Variants in NDUFS6 observed in about 807,000 individuals in gnomAD.
NDUFS6 encodes the protein NADH:ubiquinone oxidoreductase subunit S6, also known as NADH dehydrogenase [ubiquinone] iron-sulfur protein 6, mitochondrial.
Under a neutral mutation model 13.2 loss-of-function variants are expected in NDUFS6, and 14 were observed. That is an observed-to-expected ratio of 1.06 (90% CI 0.70 to 1.66). The LOEUF (loss-of-function observed/expected upper bound fraction) is 1.66, where lower values mean the gene tolerates loss of function less well. NDUFS6 is among the 40% of genes most tolerant of loss of function. The probability of loss-of-function intolerance (pLI) is 0.00; values close to 1 mark genes in which losing one functional copy is unlikely to be tolerated. For missense variants in NDUFS6, 206 were observed against 170.8 expected, an observed-to-expected ratio of 1.21 and a Z score of -1.15; for synonymous variants, 95 against 72.3, an observed-to-expected ratio of 1.31 and a Z score of -1.60.
rs1337333262 is a variant in NDUFS6, at chr5:1,814,693, C to G, written c.309+232C>G. On this transcript the variant is annotated intron_variant, in intron 3 of 3. Coordinates refer to ENST00000274137, the MANE Select transcript of NDUFS6 (RefSeq NM_004553.6). The surrounding 1 kb of genome is among the most constrained non-coding windows in gnomAD (Gnocchi z 4.9). Reference sequence around the variant, plus strand: ...GTGAAGTGGTGGGCGGCATGTTTCTCTTCTCGGACGCCCAAGCGTCTTTCC... The same window carrying G: ...GTGAAGTGGTGGGCGGCATGTTTCTGTTCTCGGACGCCCAAGCGTCTTTCC... The G allele has an allele frequency of 1.4e-6, 1 of 736,324 alleles. No individual in the cohort carries two copies. Among genetic ancestry groups the G allele is most frequent in the East Asian group, 2.7e-5 (1 of 37,412 alleles). The allele number at this position is 736,324 out of a possible 1,614,324, so 45.6% of individuals were successfully genotyped here. A position where few individuals can be genotyped will look rare whatever the true frequency, so the allele number is the denominator to read the frequency against.
At chr5:1,813,838 G>T (rs1734259475) in intron 2 of NDUFS6, among the ~76,000 whole-genome samples, 1 of 152,232 alleles carries the variant, frequency 6.6e-6, no homozygotes, top group African/African-American at 2.4e-5. Flanking sequence ...GACATTGTTG[G>T]TCTAACGGAT....
chr5:1,811,015 T>C (rs555736885), intron 2 of NDUFS6, among the ~76,000 whole-genome samples: 1 of 152,272 alleles, frequency 6.6e-6, no homozygotes, highest in African/African-American at 2.4e-5. Context: ...TACGTGAAGA[T>C]GATGAGGATG....
At chr5:1,801,679 T>A (rs1209932266) in intron 1 of NDUFS6, 130 bp downstream of exon 1, 1 of 1,367,272 alleles carries the variant, frequency 7.3e-7, no homozygotes, top group Non-Finnish European at 9.7e-7. Flanking sequence ...GGTTGTGCTG[T>A]CGCTCACGCG....
At chr5:1,805,489 A>G (rs1734109098) in intron 2 of NDUFS6, among the ~76,000 whole-genome samples, 1 of 152,200 alleles carries the variant, frequency 6.6e-6, no homozygotes. Flanking sequence ...AAAGGAATCC[A>G]TGGCCCCTGG....
At chr5:1,811,173 A>T (rs1233854581) in intron 2 of NDUFS6, among the ~76,000 whole-genome samples, 1 of 152,270 alleles carries the variant, frequency 6.6e-6, no homozygotes, top group Non-Finnish European at 1.5e-5. Context: ...AATATATGTT[A>T]ATCGACCATT....
At chr5:1,807,241 C>T (rs1453145634) in intron 2 of NDUFS6, among the ~76,000 whole-genome samples, 9 of 126,056 alleles carry the variant, frequency 7.1e-5, no homozygotes, top group African/African-American at 1.6e-4. Context: ...CCAGAACAGT[C>T]GCTTCTTAGA....
rs760889293 is a variant in NDUFS6, at chr5:1,815,851, G to T, written c.310G>T (p.Asp104Tyr). 1.2e-6 allele frequency: 2 copies of T among 1,614,182 alleles called. No homozygotes were observed. The highest frequency in any genetic ancestry group is 1.7e-6 in the Non-Finnish European group (2 of 1,180,022). Residue 104 changes from aspartate (D) to tyrosine (Y), a missense_variant and splice_region_variant, in exon 4 of 4, where the codon GAC becomes TAC. Transcript: ENST00000274137. ...CATCATTCCTTTTGAATTTTTTCAG[G>T]ACAAAGAAACAAAAACCGGCACATG... ...LGHPKVYINL[D>Y]KETKTGTCGY...
At position 1,803,476 on chromosome 5, in the gene NDUFS6, C is replaced by T. The variant is rs947544599; in HGVS notation, c.186+1102C>T. Among the ~76,000 whole-genome samples, 27 of 152,096 alleles carry T rather than the reference C, an allele frequency of 1.8e-4. 1 individual carries two copies. The highest frequency in any genetic ancestry group is 1.4e-3 in the Admixed American group (22 of 15,280). ...GCTTGTGTCTGGTGGGTTTGCCTCT[C>T]GGAGTAGAAGCTGTGTGGACTTGCA... On this transcript the variant is annotated intron_variant, in intron 2 of 3. Coordinates refer to ENST00000274137, the MANE Select transcript of NDUFS6 (RefSeq NM_004553.6).
intron 1 of NDUFS6, 36 bp from the exon 2 acceptor site, chr5:1,802,285 G>A (rs775615359): frequency 1.9e-6 from 3 of 1,583,634 alleles, no homozygotes; most frequent in East Asian, 2.2e-5. Flanking sequence ...GAATTAGGCC[G>A]TAAAAGTCAC....
chr5:1,808,820 T>C (rs930191719), intron 2 of NDUFS6, among the ~76,000 whole-genome samples: 6 of 152,266 alleles, frequency 3.9e-5, no homozygotes, highest in South Asian at 2.1e-4. Context: ...TATATACTTA[T>C]ATAGACATGT....
At chr5:1,801,929 A>G (rs1407832137) in intron 1 of NDUFS6, among the ~76,000 whole-genome samples, 4 of 152,234 alleles carry the variant, frequency 2.6e-5, no homozygotes, top group African/African-American at 9.6e-5. Flanking sequence ...CAAGGCACAA[A>G]AAAGCCCTAA....
At chr5:1,807,022 C>T (rs369601474) in intron 2 of NDUFS6, among the ~76,000 whole-genome samples, 8 of 151,736 alleles carry the variant, frequency 5.3e-5, no homozygotes, top group African/African-American at 1.5e-4. Flanking sequence ...GAGGACGTTG[C>T]GCTCAGTGAA....
intron 2 of NDUFS6, among the ~76,000 whole-genome samples, chr5:1,810,493 G>A (rs1164533963): frequency 6.6e-6 from 1 of 152,238 alleles, no homozygotes; most frequent in Non-Finnish European, 1.5e-5. Flanking sequence ...TACAGAGTCA[G>A]AGGAAATCAA....
chr5:1,812,436 ATTTGTGTTTCCACAT>A (rs1307897350), intron 2 of NDUFS6, among the ~76,000 whole-genome samples: 1 of 149,056 alleles, frequency 6.7e-6, no homozygotes, highest in Non-Finnish European at 1.5e-5. Flanking sequence ...GAGTGTAAAA[ATTTGTGTTTCCACAT>A]TTTGCAGTTA....
intron 3 of NDUFS6, among the ~76,000 whole-genome samples, chr5:1,815,182 C>T (rs147560225): frequency 2.0e-5 from 3 of 151,562 alleles, no homozygotes; most frequent in Admixed American, 6.6e-5. Flanking sequence ...AGAAAGAGAC[C>T]GTGGGCTGAA....
chr5:1,801,489 C>T lies in NDUFS6; in HGVS notation c.72C>T (p.Gly24=), dbSNP rs1734039368. The change falls in exon 1 of 4, where the codon GGC becomes GGT. Residue 24 remains glycine, a synonymous_variant. Coordinates refer to ENST00000274137, the MANE Select transcript of NDUFS6 (RefSeq NM_004553.6). The stretch of plus-strand genomic sequence containing the variant: ...AGGCGGCGCGGAGCCTGCCCCTGGG[C>T]GCCAGGTGTTTCGGGGTGCGGGTCT... ...CGEAARSLPL[G]ARCFGVRVSP... is the part of the protein sequence containing the mutation. 3.1e-6 allele frequency: 5 copies of T among 1,602,846 alleles called. No homozygotes were observed. The highest frequency in any genetic ancestry group is 2.2e-5 in the East Asian group (1 of 44,798).
chr5:1,810,182 G>C (rs1349435007), intron 2 of NDUFS6, among the ~76,000 whole-genome samples: 4 of 152,246 alleles, frequency 2.6e-5, no homozygotes, highest in Non-Finnish European at 5.9e-5. Flanking sequence ...CTGGGGCGGG[G>C]ACGCTGTAGA....
At chr5:1,813,560 C>T (rs900846532) in intron 2 of NDUFS6, among the ~76,000 whole-genome samples, 2 of 152,198 alleles carry the variant, frequency 1.3e-5, no homozygotes, top group Non-Finnish European at 2.9e-5. Flanking sequence ...GGCATCTCCA[C>T]GTAGTCCTGT....
chr5:1,810,617 A>G (rs558944030), intron 2 of NDUFS6, among the ~76,000 whole-genome samples: 1 of 152,266 alleles, frequency 6.6e-6, no homozygotes, highest in African/African-American at 2.4e-5. Flanking sequence ...TCTGTGAAAC[A>G]GAGGGAATAG....
Sources: gnomAD v4.1 joint callset for allele counts (sites outside exome capture counted in the v4.1 genomes callset) on GRCh38, gnomAD v4.1.1 for gene constraint, Gnocchi (gnomAD v3.1) non-coding constraint, MANE v1.5 for transcripts, NCBI Gene and HGNC (gene_info 2026-07-23, HGNC 2026-07-21) for gene names.